The following GLYR1 variants were observed in gnomAD, a reference collection of about 807,000 sequenced individuals.
The protein encoded by GLYR1 is cytokine-like nuclear factor N-PAC.
GLYR1 carries 21 observed loss-of-function variants against 72.7 expected under a neutral mutation model. The observed-to-expected ratio is 0.29, with a 90% CI of 0.20 to 0.42. The LOEUF (loss-of-function observed/expected upper bound fraction) is 0.42. GLYR1 is among the 10% of genes least tolerant of loss of function. The probability of loss-of-function intolerance (pLI) is 1.00; values close to 1 mark genes in which losing one functional copy is unlikely to be tolerated. For missense variants in GLYR1, 594 were observed against 712.1 expected (o/e 0.83, Z 1.89); for synonymous variants, 392 against 270.2 (o/e 1.45, Z -4.42).
intron 12 of GLYR1, 23 bp from the exon 13 acceptor site, chr16:4,812,271 C>G: frequency 6.2e-7 from 1 of 1,605,254 alleles, no homozygotes; most frequent in Non-Finnish European, 8.5e-7. Context: ...GTCACAGCTT[C>G]TGGAGGCCTC....
At position 4,832,088 on chromosome 16, in the gene GLYR1, C is replaced by G. The variant is rs1372217738; in HGVS notation, c.428G>C (p.Gly143Ala). ...AGAGCCTGAAGACACCCTCTTCTTT[C>G]CTTCTCCCATGTTCTTCTTCACCTT... ...EGKVKKNMGE[G>A]KKRVSSGSSE... The change falls in exon 5 of 16, where the codon GGA becomes GCA. Residue 143 changes from glycine to alanine, a missense_variant. Gly to Ala is a moderately conservative substitution (Grantham distance 60). Transcript: ENST00000321919. The G allele has an allele frequency of 1.2e-6, 2 of 1,614,186 alleles. No homozygotes were observed. Among genetic ancestry groups the G allele is most frequent in the Admixed American group, 1.7e-5 (1 of 60,012 alleles).
intron 3 of GLYR1, among the ~76,000 whole-genome samples, chr16:4,841,119 C>A (rs2085513877): frequency 6.6e-6 from 1 of 152,050 alleles, no homozygotes; most frequent in Admixed American, 6.6e-5. Flanking sequence ...TTGTTTACAA[C>A]CCTCCAAAGA....
intron 3 of GLYR1, among the ~76,000 whole-genome samples, chr16:4,837,336 G>A (rs915226763): frequency 2.6e-5 from 4 of 152,022 alleles, no homozygotes; most frequent in Middle Eastern, 6.8e-3. Context: ...AGGAGGCTGC[G>A]GCAGGAACTG....
Position 4,813,833 on chromosome 16 carries a change from C to A in GLYR1, c.1023G>T (p.Val341=). The A allele has an allele frequency of 6.2e-7, 1 of 1,609,772 alleles. No homozygotes were observed. The highest frequency in any genetic ancestry group is 2.2e-5 in the East Asian group (1 of 44,714). The change falls in exon 12 of 16, where the codon GTG becomes GTT. Residue 341 remains valine, a synonymous_variant. Coordinates refer to ENST00000321919, the MANE Select transcript of GLYR1 (RefSeq NM_032569.4). ...VSDPKAAKDL[V]LGPSGVLQGI... ...CTTGCAGCACACCACTGGGGCCCAG[C>A]ACCAGCTGTGGGGACACAAGGGAGA...
chr16:4,815,837 A>G (rs1263468184), intron 10 of GLYR1, among the ~76,000 whole-genome samples: 1 of 151,984 alleles, frequency 6.6e-6, no homozygotes, highest in Non-Finnish European at 1.5e-5. Context: ...GATGGAGTGC[A>G]GTGGCACGAT....
At position 4,805,026 on chromosome 16, in the gene GLYR1, A is replaced by C; in HGVS notation, c.*210T>G. ...GTGCCCAGCTCAAGAGCTTTCCCAC[A>C]CGCCAATCCTGCTGACACTTGTCCC... On this transcript the variant is annotated 3_prime_UTR_variant, in exon 16 of 16. Coordinates refer to ENST00000321919, the MANE Select transcript of GLYR1 (RefSeq NM_032569.4). The C allele has an allele frequency of 3.4e-6, 2 of 591,296 alleles. No homozygotes were observed. The allele number at this position is 591,296 out of a possible 1,614,324, so 36.6% of individuals were successfully genotyped here.
chr16:4,838,528 C>T (rs980950232), intron 3 of GLYR1, among the ~76,000 whole-genome samples: 1 of 152,116 alleles, frequency 6.6e-6, no homozygotes, highest in African/African-American at 2.4e-5. Context: ...CTTCTAAGCA[C>T]CTGTAATTTA....
chr16:4,833,875 T>C (rs1370677219), intron 3 of GLYR1, among the ~76,000 whole-genome samples: 2 of 152,190 alleles, frequency 1.3e-5, no homozygotes, highest in African/African-American at 4.8e-5. Flanking sequence ...AAGCACAAAA[T>C]AATTTTATAG....
rs756670103 is a variant in GLYR1 at position 4,832,115 on chromosome 16, C to G, written c.401G>C (p.Gly134Ala). 6 of 1,614,174 alleles carry G rather than the reference C, an allele frequency of 3.7e-6. No homozygotes were observed. Among genetic ancestry groups the G allele is most frequent in the Non-Finnish European group, 5.1e-6 (6 of 1,180,034 alleles). Residue 134 changes from glycine to alanine, a missense_variant, in exon 5 of 16, where the codon GGG becomes GCG. Transcript: ENST00000321919. ...TTCTCCCATGTTCTTCTTCACCTTC[C>G]CTTCAGACAGGCTAAGTTTGCGCTT... ...DEKRKLSLSE[G>A]KVKKNMGEGK...
chr16:4,836,352 G>C (rs1006186317), intron 3 of GLYR1, among the ~76,000 whole-genome samples: 1 of 152,162 alleles, frequency 6.6e-6, no homozygotes, highest in African/African-American at 2.4e-5. Flanking sequence ...TTAAGTGACT[G>C]TTTCTTTCCT....
At chr16:4,831,856 T>A in intron 5 of GLYR1, 123 bp downstream of exon 5, 1 of 1,371,700 alleles carries the variant, frequency 7.3e-7, no homozygotes, top group Non-Finnish European at 9.8e-7. Flanking sequence ...GAGCACAGAA[T>A]TCTGCTCCCA....
At position 4,832,917 on chromosome 16, in the gene GLYR1, C is replaced by G. The variant is rs780444407; in HGVS notation, c.156-5G>C. The G allele has an allele frequency of 1.2e-6, 2 of 1,607,686 alleles. No homozygotes were observed. The highest frequency in any genetic ancestry group is 2.2e-5 in the South Asian group (2 of 89,622). ...TGTTCCACTTTGATCCAGGCACTAGCAGAAAACAAACACAAAAAGGGTGTG... is the reference window on the plus strand; with the variant it reads ...TGTTCCACTTTGATCCAGGCACTAGGAGAAAACAAACACAAAAAGGGTGTG... On this transcript the variant is annotated splice_region_variant and splice_polypyrimidine_tract_variant and intron_variant, in intron 3 of 15. Transcript: ENST00000321919.
chr16:4,836,628 G>C (rs576560562), intron 3 of GLYR1, among the ~76,000 whole-genome samples: 1 of 152,278 alleles, frequency 6.6e-6, no homozygotes, highest in South Asian at 2.1e-4. Flanking sequence ...AAGATAAAAA[G>C]CAATGCATGT....
At chr16:4,842,526 A>AC (rs1450252927) in intron 3 of GLYR1, among the ~76,000 whole-genome samples, 1 of 151,828 alleles carries the variant, frequency 6.6e-6, no homozygotes, top group African/African-American at 2.4e-5. Context: ...TTGAAAAAAA[A>AC]AATTTATTTT....
At chr16:4,812,771 G>T (rs1209085921) in intron 12 of GLYR1, among the ~76,000 whole-genome samples, 1 of 151,618 alleles carries the variant, frequency 6.6e-6, no homozygotes. Context: ...GATTACAGGA[G>T]TGAGCCACCA....
chr16:4,846,065 G>C (rs2086019395), intron 2 of GLYR1, 109 bp downstream of exon 2: 1 of 1,237,722 alleles, frequency 8.1e-7, no homozygotes, highest in Admixed American at 1.7e-5. Context: ...AGTGCCATCT[G>C]AATGAGCCCA....
intron 5 of GLYR1, among the ~76,000 whole-genome samples, 156 bp downstream of exon 5, chr16:4,831,823 C>T (rs1308093828): frequency 1.3e-5 from 2 of 152,190 alleles, no homozygotes; most frequent in East Asian, 3.9e-4. Flanking sequence ...CATGAGCCAC[C>T]GCACCTGCCC....
In GLYR1 at chr16:4,847,285, C is replaced by A. The variant is rs775226326; in HGVS notation, c.-20G>T. 1 of 1,609,740 alleles carries A rather than the reference C, an allele frequency of 6.2e-7. No individual in the cohort carries two copies. On this transcript the variant is annotated 5_prime_UTR_variant, in exon 1 of 16. Coordinates refer to ENST00000321919, the MANE Select transcript of GLYR1 (RefSeq NM_032569.4). ...CGCCATCTTACCACCCAACCACCGC[C>A]GACGCACGGGCCGCCGGGAACAGCA...
chr16:4,840,994 A>G (rs1361351796), intron 3 of GLYR1, among the ~76,000 whole-genome samples: 1 of 152,252 alleles, frequency 6.6e-6, no homozygotes, highest in African/African-American at 2.4e-5. Flanking sequence ...TACCCACAAA[A>G]AGATAACACA....
Sources: allele counts gnomAD v4.1 joint callset (sites outside exome capture counted in the v4.1 genomes callset), GRCh38; gene constraint gnomAD v4.1.1; transcripts MANE v1.5; gene names NCBI Gene and HGNC (gene_info 2026-07-23, HGNC 2026-07-21).